The following CCDC73 variants were observed in gnomAD, a reference collection of about 807,000 sequenced individuals.
The protein encoded by CCDC73 is coiled-coil domain-containing protein 73.
CCDC73 carries 95 observed loss-of-function variants against 116.5 expected under a neutral mutation model. That is an observed-to-expected ratio of 0.82 (90% CI 0.69 to 0.97). CCDC73 has a LOEUF of 0.97. CCDC73 is among the 50% of genes least tolerant of loss of function. The pLI is 0.00. For missense variants in CCDC73, 1,066 were observed against 1,206.8 expected, an observed-to-expected ratio of 0.88 and a Z score of 1.73; for synonymous variants, 398 against 401.3, an observed-to-expected ratio of 0.99 and a Z score of 0.10.
intron 1 of CCDC73, among the ~76,000 whole-genome samples, chr11:32,769,749 ATC>A (rs1439200129): frequency 2.6e-5 from 4 of 152,282 alleles, no homozygotes; most frequent in Admixed American, 6.5e-5. Context: ...TCTCATTTTT[ATC>A]TGTCAAAATC....
intron 9 of CCDC73, among the ~76,000 whole-genome samples, chr11:32,665,598 T>C (rs1357140665): frequency 1.3e-5 from 2 of 152,240 alleles, no homozygotes; most frequent in African/African-American, 2.4e-5. Context: ...CTGATGGGTC[T>C]TGACTCTTTA....
chr11:32,641,832 T>G, intron 13 of CCDC73, 140 bp downstream of exon 13: 1 of 627,200 alleles, frequency 1.6e-6, no homozygotes, highest in Non-Finnish European at 2.3e-6. Context: ...TTCACCTTTT[T>G]GGAAATATGA....
chr11:32,611,112 A>G lies in CCDC73; in HGVS notation c.3030+20T>C. The G allele has an allele frequency of 6.2e-7, 1 of 1,613,158 alleles. No homozygotes were observed. The highest frequency in any genetic ancestry group is 8.5e-7 in the Non-Finnish European group (1 of 1,179,432). ...ATTAGCTCACTAAGGTCTGCTCGGC[A>G]ATATTTTTAATTGACTTACATGTTC... On this transcript the variant is annotated intron_variant, in intron 17 of 17. Coordinates refer to ENST00000335185, the MANE Select transcript of CCDC73 (RefSeq NM_001008391.4).
intron 2 of CCDC73, among the ~76,000 whole-genome samples, chr11:32,733,105 T>C (rs531433033): frequency 2.7e-5 from 4 of 150,204 alleles, no homozygotes; most frequent in African/African-American, 7.3e-5. Flanking sequence ...CAAAAAAAAG[T>C]AGGTGTTGCA....
intron 14 of CCDC73, among the ~76,000 whole-genome samples, chr11:32,619,106 T>C (rs183584529): frequency 6.6e-6 from 1 of 152,284 alleles, no homozygotes; most frequent in Non-Finnish European, 1.5e-5. Flanking sequence ...ATTGTTTGCA[T>C]GGGTTGTCTA....
At chr11:32,802,387 A>G in the CCDC73 span, among the ~76,000 whole-genome samples, 1 of 152,238 alleles carries the variant, frequency 6.6e-6, no homozygotes, top group African/African-American at 2.4e-5. Context: ...TGTTGTCATC[A>G]TCTTCTCATC....
the CCDC73 span, among the ~76,000 whole-genome samples, chr11:32,818,168 A>C: frequency 6.6e-6 from 1 of 152,202 alleles, no homozygotes; most frequent in Non-Finnish European, 1.5e-5. Context: ...AGTACCTTAC[A>C]TGGGTCTTAC....
chr11:32,767,641 C>A, intron 1 of CCDC73, among the ~76,000 whole-genome samples: 1 of 152,050 alleles, frequency 6.6e-6, no homozygotes, highest in Non-Finnish European at 1.5e-5. Flanking sequence ...AACAAACAAC[C>A]CCATCATAAA....
intron 9 of CCDC73, among the ~76,000 whole-genome samples, chr11:32,673,274 G>A (rs181071621): frequency 6.6e-5 from 10 of 152,272 alleles, no homozygotes; most frequent in Non-Finnish European, 1.2e-4. Context: ...CCAAATGCTA[G>A]TGAGGATGTG....
chr11:32,759,319 A>AT (rs1161400962), intron 2 of CCDC73, among the ~76,000 whole-genome samples: 3 of 135,190 alleles, frequency 2.2e-5, no homozygotes, highest in Non-Finnish European at 4.7e-5. Context: ...TGAAACCAAC[A>AT]TTTTTTCCTT....
intron 3 of CCDC73, among the ~76,000 whole-genome samples, chr11:32,707,484 C>A (rs1849865869): frequency 6.6e-6 from 1 of 151,200 alleles, no homozygotes; most frequent in African/African-American, 2.4e-5. Context: ...CTGGGAAAGT[C>A]AAAAATTTAC....
In CCDC73 at chr11:32,744,641, T is replaced by A. The variant is rs548365475; in HGVS notation, c.135+15468A>T. 5.3e-5 allele frequency among the ~76,000 whole-genome samples: 8 copies of A among 152,254 alleles called. No homozygotes were observed. The South Asian group carries it at 1.7e-3, about 32-fold the overall frequency. On this transcript the variant is annotated intron_variant, in intron 2 of 17. Coordinates refer to ENST00000335185, the MANE Select transcript of CCDC73 (RefSeq NM_001008391.4). Reference sequence around the variant, plus strand: ...TCTTCCTGGTTTAGTCTTGGAAGGGTGTATGTGTCCAGGAATTTACCCATT... The same window carrying A: ...TCTTCCTGGTTTAGTCTTGGAAGGGAGTATGTGTCCAGGAATTTACCCATT...
chr11:32,631,668 G>A (rs1301718816), intron 14 of CCDC73, among the ~76,000 whole-genome samples: 1 of 151,574 alleles, frequency 6.6e-6, no homozygotes, highest in Non-Finnish European at 1.5e-5. Flanking sequence ...AAGGAAGGAA[G>A]GAAAGGAAGA....
At chr11:32,725,492 AC>A (rs1368886498) in intron 2 of CCDC73, among the ~76,000 whole-genome samples, 1 of 152,168 alleles carries the variant, frequency 6.6e-6, no homozygotes, top group Non-Finnish European at 1.5e-5. Flanking sequence ...TGTCCTACCT[AC>A]TAGCTTATAA....
At chr11:32,664,142 T>G (rs1469823709) in intron 9 of CCDC73, among the ~76,000 whole-genome samples, 2 of 152,168 alleles carry the variant, frequency 1.3e-5, no homozygotes, top group Non-Finnish European at 2.9e-5. Context: ...TAAAATTCTC[T>G]TTTTTTATTG....
In CCDC73 at chr11:32,747,088, G is replaced by T. The variant is rs868056838; in HGVS notation, c.135+13021C>A. On this transcript the variant is annotated intron_variant, in intron 2 of 17. Coordinates refer to ENST00000335185, the MANE Select transcript of CCDC73 (RefSeq NM_001008391.4). ...TTATCTACCTTTGGTCTTTGATGTT[G>T]GTGACCTACGGATGGTGTTTTGGTG... 3.4e-4 allele frequency among the ~76,000 whole-genome samples: 52 copies of T among 152,266 alleles called. No homozygotes were observed. The Middle Eastern group carries it at 0.014, about 40-fold the overall frequency.
At chr11:32,686,470 C>T (rs564998279) in intron 6 of CCDC73, among the ~76,000 whole-genome samples, 1 of 151,576 alleles carries the variant, frequency 6.6e-6, no homozygotes, top group East Asian at 1.9e-4. Context: ...TGGATGAGAT[C>T]AGAGTACTTT....
intron 1 of CCDC73, among the ~76,000 whole-genome samples, chr11:32,763,268 G>A (rs1207604935): frequency 6.6e-6 from 1 of 152,214 alleles, no homozygotes; most frequent in Non-Finnish European, 1.5e-5. Context: ...CTAGCACAGA[G>A]TTTGAGATCT....
chr11:32,812,948 G>GA, the CCDC73 span, among the ~76,000 whole-genome samples: 2 of 152,124 alleles, frequency 1.3e-5, no homozygotes, highest in Non-Finnish European at 2.9e-5. Flanking sequence ...TGTCACCAAA[G>GA]AAAATCACAT....
Sources: gnomAD v4.1 joint callset for allele counts (sites outside exome capture counted in the v4.1 genomes callset) on GRCh38, gnomAD v4.1.1 for gene constraint, MANE v1.5 for transcripts, NCBI Gene and HGNC (gene_info 2026-07-23, HGNC 2026-07-21) for gene names.